Variants in PIEZO1 observed in about 807,000 individuals in gnomAD.
PIEZO1 encodes the protein piezo-type mechanosensitive ion channel component 1.
In PIEZO1, 296 loss-of-function variants were observed where a neutral mutation model predicts 297.2. The observed-to-expected ratio is 1.00, with a 90% CI of 0.91 to 1.10. The LOEUF (loss-of-function observed/expected upper bound fraction) is 1.10. Ranked by LOEUF, PIEZO1 falls within the 50% of genes least tolerant of loss-of-function variation. PIEZO1 has a pLI of 0.00. For missense variants in PIEZO1, 5,018 were observed against 3,455.5 expected (o/e 1.45, Z -11.34); for synonymous variants, 2,427 against 1,507.5 (o/e 1.61, Z -14.13).
intron 2 of PIEZO1, chr16:88,743,541 C>T: frequency 2.2e-6 from 1 of 456,610 alleles, no homozygotes; most frequent in Non-Finnish European, 4.4e-6. Context: ...CCACATCTGC[C>T]CTCTCTCGGC....
chr16:88,716,114 C>T lies in PIEZO1; in HGVS notation c.7135G>A (p.Glu2379Lys), dbSNP rs1305472837. 3 of 1,544,580 alleles carry T rather than the reference C, an allele frequency of 1.9e-6. No homozygotes were observed. The highest frequency in any genetic ancestry group is 2.5e-5 in the East Asian group (1 of 40,806). ...NPVKQLQPNE[E>K]ADYLGVRIQL... ...ATACGCACGCCGAGGTAGTCGGCCTCCTCATCTGGGATGGAGGGAGAAGAT... is the reference window on the plus strand; with the variant it reads ...ATACGCACGCCGAGGTAGTCGGCCTTCTCATCTGGGATGGAGGGAGAAGAT... The change falls in exon 50 of 51, where the codon GAG (glutamate) becomes AAG (lysine). Residue 2379 changes from glutamate (E) to lysine (K), a missense_variant. Glu to Lys is a moderately conservative substitution (Grantham distance 56). Transcript: ENST00000301015.
chr16:88,745,091 C>G (rs1371273653), intron 2 of PIEZO1: 1 of 118,442 alleles, frequency 8.4e-6, no homozygotes, highest in East Asian at 2.9e-4. Context: ...CCCTGCAGGT[C>G]CCACCCCCAA....
intron 1 of PIEZO1, among the ~76,000 whole-genome samples, chr16:88,775,966 G>A (rs1907642488): frequency 6.6e-6 from 1 of 152,180 alleles, no homozygotes; most frequent in Admixed American, 6.5e-5. Context: ...TAAAGCCACG[G>A]GAGGCGCCAA....
Position 88,722,762 on chromosome 16 carries a change from C to G in PIEZO1, c.4669-73G>C, listed in dbSNP as rs558652974. On this transcript the variant is annotated intron_variant, in intron 34 of 50. Coordinates refer to ENST00000301015, the MANE Select transcript of PIEZO1 (RefSeq NM_001142864.4). ...CACACGGGGTTTCGTGCAGTGGGCG[C>G]GGGACTAGGCTGTTAAGCAGGCAGG... 5 of 1,526,902 alleles carry G rather than the reference C, an allele frequency of 3.3e-6. No individual in the cohort carries two copies. In the East Asian group the frequency reaches 1.2e-4, roughly 38 times the overall value. 94.6% of individuals were successfully genotyped at this position (1,526,902 alleles called of 1,614,324 possible).
At chr16:88,717,487 G>T in intron 44 of PIEZO1, 1 of 590,694 alleles carries the variant, frequency 1.7e-6, no homozygotes, top group Non-Finnish European at 3.2e-6. Flanking sequence ...ACCGCCCCAG[G>T]CAGGAGAATG....
chr16:88,723,857 C>A lies in PIEZO1; in HGVS notation c.4335+14G>T. The A allele has an allele frequency of 7.1e-7, 1 of 1,403,890 alleles. No individual in the cohort carries two copies. The highest frequency in any genetic ancestry group is 2.5e-5 in the East Asian group (1 of 40,228). 87.0% of individuals were successfully genotyped at this position (1,403,890 alleles called of 1,614,324 possible). On this transcript the variant is annotated intron_variant, in intron 31 of 50. Coordinates refer to ENST00000301015, the MANE Select transcript of PIEZO1 (RefSeq NM_001142864.4). ...TGTGGTTGGAGTGGGGCCGACGGGGCTCTCCCACCTCACCTGGAAGGCACT... is the reference window on the plus strand; with the variant it reads ...TGTGGTTGGAGTGGGGCCGACGGGGATCTCCCACCTCACCTGGAAGGCACT...
intron 44 of PIEZO1, 104 bp downstream of exon 44, chr16:88,719,470 G>T (rs1313169686): frequency 8.8e-7 from 1 of 1,137,436 alleles, no homozygotes. Flanking sequence ...CCGAGCCCTG[G>T]GAGGGCCTCC....
At chr16:88,729,591 G>C (rs1467265286) in intron 22 of PIEZO1, among the ~76,000 whole-genome samples, 2 of 139,356 alleles carry the variant, frequency 1.4e-5, no homozygotes, top group East Asian at 4.1e-4. Context: ...AGTGACCCTC[G>C]ATGCTGGGGA....
chr16:88,722,720 C>G (rs748804094), intron 34 of PIEZO1, 31 bp from the exon 35 acceptor site: 1 of 1,530,474 alleles, frequency 6.5e-7, no homozygotes, highest in Admixed American at 2.0e-5. Flanking sequence ...CTCAGGGCTG[C>G]GTCCAGCTCT....
At chr16:88,743,374 G>A (rs543629738) in intron 2 of PIEZO1, 103 of 450,470 alleles carry the variant, frequency 2.3e-4, no homozygotes, top group Non-Finnish European at 3.7e-4. Flanking sequence ...CGTGCTGGCA[G>A]GAGCTTCCGG....
chr16:88,715,354 TA>T lies in PIEZO1; in HGVS notation c.*250del, dbSNP rs1911902132. ...GGACTGGCCTCTGATTGTCCATTTG[TA>T]TAAATAAAACATTTTTTAATTAAAA... On this transcript the variant is annotated 3_prime_UTR_variant, in exon 51 of 51. Transcript: ENST00000301015. 9 of 1,255,542 alleles carry T rather than the reference TA, an allele frequency of 7.2e-6. No individual in the cohort carries two copies. Among genetic ancestry groups the T allele is most frequent in the African/African-American group, 3.0e-5 (2 of 65,882 alleles). 77.8% of individuals were successfully genotyped at this position (1,255,542 alleles called of 1,614,324 possible). A position where few individuals can be genotyped will look rare whatever the true frequency, so the allele number is the denominator to read the frequency against.
rs533168448 is a variant in PIEZO1, at chr16:88,750,009, C to G, written c.65-530G>C. On this transcript the variant is annotated intron_variant, in intron 1 of 50. Transcript: ENST00000301015. Reference sequence around the variant, plus strand: ...CTGCACTCCAGCCTGGGCAACAGAGCAAGACTCCGCCTCAAAAAGAGAAAG... The same window carrying G: ...CTGCACTCCAGCCTGGGCAACAGAGGAAGACTCCGCCTCAAAAAGAGAAAG... Among the ~76,000 whole-genome samples, 12 of 151,752 alleles carry G rather than the reference C, an allele frequency of 7.9e-5. 1 individual carries two copies. In the South Asian group the frequency reaches 2.1e-3, roughly 26 times the overall value.
At chr16:88,747,545 C>T (rs750834531) in intron 2 of PIEZO1, among the ~76,000 whole-genome samples, 1 of 152,168 alleles carries the variant, frequency 6.6e-6, no homozygotes, top group Non-Finnish European at 1.5e-5. Flanking sequence ...GACCATTGCC[C>T]ACCCCACAGC....
chr16:88,773,570 C>A (rs2142902260), intron 1 of PIEZO1, among the ~76,000 whole-genome samples: 1 of 152,356 alleles, frequency 6.6e-6, no homozygotes, highest in Non-Finnish European at 1.5e-5. Context: ...GGTCTCCAGG[C>A]TCCTAGGAAC....
Position 88,731,838 on chromosome 16 carries a change from G to A in PIEZO1, c.3064C>T (p.Leu1022=). 2.2e-6 allele frequency: 3 copies of A among 1,394,996 alleles called. No individual in the cohort carries two copies. The highest frequency in any genetic ancestry group is 1.3e-5 in the South Asian group (1 of 79,886). The allele number at this position is 1,394,996 out of a possible 1,614,324, so 86.4% of individuals were successfully genotyped here. ...TGCCTGCGGGTGAGGATGGCCACCA[G>A]CCAGCAACCGTGCAGGGTCACCAGA... ...NFLVTLHGCW[L]VAILTRRHRQ... Residue 1022 remains leucine (L), a synonymous_variant, in exon 22 of 51, where the codon CTG becomes TTG. Coordinates refer to ENST00000301015, the MANE Select transcript of PIEZO1 (RefSeq NM_001142864.4).
At chr16:88,717,783 A>C (rs894185031) in intron 44 of PIEZO1, 6 of 451,090 alleles carry the variant, frequency 1.3e-5, no homozygotes, top group Non-Finnish European at 2.7e-5. Context: ...GAATTCTTCC[A>C]ATTCAGTCAT....
chr16:88,748,648 T>C (rs1385896679), intron 2 of PIEZO1, among the ~76,000 whole-genome samples: 1 of 152,134 alleles, frequency 6.6e-6, no homozygotes, highest in Non-Finnish European at 1.5e-5. Context: ...TTGGGGCCCA[T>C]CCACTCCCTG....
Position 88,717,151 on chromosome 16 carries a change from G to T in PIEZO1, c.6532C>A (p.Leu2178Ile). Residue 2178 changes from leucine (L) to isoleucine (I), a missense_variant, in exon 45 of 51, where the codon CTC becomes ATC. Physicochemically the swap from Leu to Ile is conservative, Grantham distance 5 (BLOSUM62 2). Coordinates refer to ENST00000301015, the MANE Select transcript of PIEZO1 (RefSeq NM_001142864.4). ...ATGGCGATGAGGAAGAGGATGATGA[G>T]GCCACCCATGCCGTACTTGACGATC... ...KKIVKYGMGG[L>I]IILFLIAIIW... is the part of the protein sequence containing the mutation. The T allele has an allele frequency of 6.4e-7, 1 of 1,551,174 alleles. No homozygotes were observed. The highest frequency in any genetic ancestry group is 8.7e-7 in the Non-Finnish European group (1 of 1,147,170).
At position 88,727,073 on chromosome 16, in the gene PIEZO1, C is replaced by T. The variant is rs976631855; in HGVS notation, c.3421G>A (p.Glu1141Lys). Reference sequence around the variant, plus strand: ...ATAAAGTTGGGCACGGGGTTGGGCTCCCCCCGCAGCGGCTCCAGGCGGTCG... The same window carrying T: ...ATAAAGTTGGGCACGGGGTTGGGCTTCCCCCGCAGCGGCTCCAGGCGGTCG... ...NTDRLEPLRG[E>K]PNPVPNFIHC... The change falls in exon 24 of 51, where the codon GAG becomes AAG. Residue 1141 changes from glutamate (E) to lysine (K), a missense_variant. Glu to Lys is a moderately conservative substitution (Grantham distance 56). Coordinates refer to ENST00000301015, the MANE Select transcript of PIEZO1 (RefSeq NM_001142864.4). 2.6e-6 allele frequency: 4 copies of T among 1,549,136 alleles called. No homozygotes were observed. Among genetic ancestry groups the T allele is most frequent in the Non-Finnish European group, 2.6e-6 (3 of 1,146,202 alleles).
Sources: allele counts gnomAD v4.1 joint callset (sites outside exome capture counted in the v4.1 genomes callset), GRCh38; gene constraint gnomAD v4.1.1; transcripts MANE v1.5; gene names NCBI Gene and HGNC (gene_info 2026-07-23, HGNC 2026-07-21).